SULF1: variants seen among roughly 807,000 people sequenced by gnomAD.
The protein encoded by SULF1 is sulfatase 1.
In SULF1, 46 loss-of-function variants were observed where a neutral mutation model predicts 110.5. The ratio of observed to expected loss-of-function variants is 0.42; its 90% CI spans 0.33 to 0.53. The LOEUF (loss-of-function observed/expected upper bound fraction) is 0.53. Ranked by LOEUF, SULF1 falls within the 20% of genes least tolerant of loss-of-function variation. The pLI is 0.12. For synonymous variants in SULF1, 371 were observed against 387.1 expected (o/e 0.96, Z 0.49); for missense variants, 941 against 1,094.2 (o/e 0.86, Z 1.98).
chr8:69,604,391 C>A (rs1177619247), intron 12 of SULF1, among the ~76,000 whole-genome samples: 1 of 152,136 alleles, frequency 6.6e-6, no homozygotes, highest in African/African-American at 2.4e-5. Context: ...TAAATGTATG[C>A]CATTGTAATT....
chr8:69,517,279 G>A (rs1811993547), intron 3 of SULF1, among the ~76,000 whole-genome samples: 1 of 152,086 alleles, frequency 6.6e-6, no homozygotes, highest in Non-Finnish European at 1.5e-5. Context: ...TGTCCATGAG[G>A]GCAGAACTCT....
At chr8:69,504,126 G>T (rs7833667) in intron 3 of SULF1, among the ~76,000 whole-genome samples, 24,323 of 152,096 alleles carry the variant, frequency 0.16, 2,057 homozygotes, top group East Asian at 0.22. Context: ...ATGCCATGTT[G>T]TTTGTTATCT....
At chr8:69,500,028 AG>A (rs1417259872) in intron 2 of SULF1, among the ~76,000 whole-genome samples, 1 of 152,196 alleles carries the variant, frequency 6.6e-6, no homozygotes, top group East Asian at 1.9e-4. Context: ...CTGGGATTAT[AG>A]GCATGAGCCA....
intron 3 of SULF1, among the ~76,000 whole-genome samples, chr8:69,557,505 C>T (rs949206538): frequency 6.6e-6 from 1 of 152,174 alleles, no homozygotes; most frequent in African/African-American, 2.4e-5. Flanking sequence ...GCACATTTCT[C>T]ACTTCATCCT....
At chr8:69,636,263 G>A (rs941269751) in intron 19 of SULF1, among the ~76,000 whole-genome samples, 1 of 152,160 alleles carries the variant, frequency 6.6e-6, no homozygotes, top group Non-Finnish European at 1.5e-5. Flanking sequence ...CAGACCGGGC[G>A]CGGTGGCTCA....
rs148161411 is a variant in SULF1, at chr8:69,563,889, C to T, written c.-60-27C>T. 439 of 1,383,444 alleles carry T rather than the reference C, an allele frequency of 3.2e-4. 1 individual carries two copies. The African/African-American group carries it at 5.5e-3, about 17-fold the overall frequency. The allele number at this position is 1,383,444 out of a possible 1,614,324, so 85.7% of individuals were successfully genotyped here. A position where few individuals can be genotyped will look rare whatever the true frequency, so the allele number is the denominator to read the frequency against. On this transcript the variant is annotated intron_variant, in intron 4 of 22. Coordinates refer to ENST00000402687, the MANE Select transcript of SULF1 (RefSeq NM_001128205.2). ...AGTTTGGATTTCATTTTAGTCTCACCGTCTCCGTTTTTCTCTGACTGCCCA... is the reference window on the plus strand; with the variant it reads ...AGTTTGGATTTCATTTTAGTCTCACTGTCTCCGTTTTTCTCTGACTGCCCA...
chr8:69,660,010 T>G lies in SULF1; in HGVS notation c.*1475T>G, dbSNP rs1183026893. Reference sequence around the variant, plus strand: ...GCTAAAATCGATTAGCAGAAAGGCATGGCTAATAATGTTGGTGGTGAAAAT... The same window carrying G: ...GCTAAAATCGATTAGCAGAAAGGCAGGGCTAATAATGTTGGTGGTGAAAAT... On this transcript the variant is annotated 3_prime_UTR_variant, in exon 23 of 23. Coordinates refer to ENST00000402687, the MANE Select transcript of SULF1 (RefSeq NM_001128205.2). 6.6e-6 allele frequency: 1 copy of G among 152,602 alleles called. No homozygotes were observed. Among genetic ancestry groups the G allele is most frequent in the Non-Finnish European group, 1.5e-5 (1 of 68,032 alleles). The allele number at this position is 152,602 out of a possible 1,614,324, so 9.5% of individuals were successfully genotyped here. A position where few individuals can be genotyped will look rare whatever the true frequency, so the allele number is the denominator to read the frequency against.
intron 5 of SULF1, among the ~76,000 whole-genome samples, chr8:69,572,686 C>A (rs761316850): frequency 6.6e-6 from 1 of 152,154 alleles, no homozygotes; most frequent in Non-Finnish European, 1.5e-5. Flanking sequence ...AATTCTCAGG[C>A]CCCATCCTGG....
chr8:69,638,792 C>G lies in SULF1; in HGVS notation c.2485C>G (p.Leu829Val). 6.2e-7 allele frequency: 1 copy of G among 1,614,084 alleles called. No homozygotes were observed. Among genetic ancestry groups the G allele is most frequent in the Non-Finnish European group, 8.5e-7 (1 of 1,179,988 alleles). Residue 829 changes from leucine to valine, a missense_variant, in exon 21 of 23, where the codon CTA becomes GTA. Coordinates refer to ENST00000402687, the MANE Select transcript of SULF1 (RefSeq NM_001128205.2). ...CATTTTGAATCAGCTACACGTACAA[C>G]TAATGGAGCTCAGAAGCTGTCAAGG... ...RGILNQLHVQ[L>V]MELRSCQGYK...
At chr8:69,532,060 G>A (rs1474623622) in intron 3 of SULF1, among the ~76,000 whole-genome samples, 2 of 152,174 alleles carry the variant, frequency 1.3e-5, no homozygotes, top group African/African-American at 4.8e-5. Flanking sequence ...GAACAAGTGA[G>A]GGGTTAGGAA....
intron 3 of SULF1, among the ~76,000 whole-genome samples, chr8:69,539,448 A>G: frequency 6.6e-6 from 1 of 152,226 alleles, no homozygotes; most frequent in African/African-American, 2.4e-5. Context: ...TGCGCTTGGC[A>G]ATTGCTAACT....
intron 1 of SULF1, among the ~76,000 whole-genome samples, chr8:69,482,803 C>T (rs1224883440): frequency 6.6e-6 from 1 of 151,982 alleles, no homozygotes; most frequent in Non-Finnish European, 1.5e-5. Flanking sequence ...TGATTAGAGG[C>T]AAAGTGAACA....
At chr8:69,525,146 A>T (rs1428827564) in intron 3 of SULF1, among the ~76,000 whole-genome samples, 1 of 152,102 alleles carries the variant, frequency 6.6e-6, no homozygotes, top group South Asian at 2.1e-4. Context: ...AGATGATCAA[A>T]TTTTTTTATT....
chr8:69,622,439 G>A (rs576768967), intron 14 of SULF1, among the ~76,000 whole-genome samples: 1 of 152,020 alleles, frequency 6.6e-6, no homozygotes, highest in African/African-American at 2.4e-5. Flanking sequence ...AAAATTAGCT[G>A]GGCATGGTGG....
intron 1 of SULF1, chr8:69,469,317 G>A (rs775571977): frequency 6.6e-6 from 1 of 152,224 alleles, no homozygotes; most frequent in Non-Finnish European, 1.5e-5. Flanking sequence ...AAGTGTTTGA[G>A]CACACGGGAT....
intron 3 of SULF1, among the ~76,000 whole-genome samples, chr8:69,519,021 T>C (rs565400385): frequency 4.1e-4 from 63 of 152,306 alleles, no homozygotes; most frequent in African/African-American, 1.5e-3. Context: ...GTGTCTCTAG[T>C]GGAGCATACA....
At position 69,629,615 on chromosome 8, in the gene SULF1, C is replaced by G. The variant is rs994725434; in HGVS notation, c.2220C>G (p.Ser740Arg). 3.1e-6 allele frequency: 5 copies of G among 1,613,836 alleles called. No homozygotes were observed. The highest frequency in any genetic ancestry group is 4.2e-6 in the Non-Finnish European group (5 of 1,179,876). Reference protein sequence around the residue: ...KRRQRKGEECSLPGLTCFTHD... With the variant: ...KRRQRKGEECRLPGLTCFTHD... ...GGCAGAGGAAGGGGGAAGAGTGCAG[C>G]CTGCCTGGCCTCACTTGCTTCACGC... The change falls in exon 19 of 23, where the codon AGC becomes AGG. Residue 740 changes from serine to arginine, a missense_variant. Around this residue, in one of 3 missense-constraint regions of SULF1, gnomAD observed 822 missense variants for 934.3 expected, o/e 0.88. Coordinates refer to ENST00000402687, the MANE Select transcript of SULF1 (RefSeq NM_001128205.2).
intron 19 of SULF1, 60 bp downstream of exon 19, chr8:69,629,739 T>C: frequency 7.1e-7 from 1 of 1,401,872 alleles, no homozygotes; most frequent in South Asian, 1.4e-5. Flanking sequence ...GACTCATAAC[T>C]TAGATCAGAA....
upstream of SULF1, among the ~76,000 whole-genome samples, chr8:69,490,818 G>T (rs1030148515): frequency 8.5e-5 from 13 of 152,198 alleles, no homozygotes; most frequent in African/African-American, 2.4e-4. Context: ...GTTCTGCTAG[G>T]TTAAAAAGAC....
Sources: allele counts gnomAD v4.1 joint callset (sites outside exome capture counted in the v4.1 genomes callset), GRCh38; gene constraint gnomAD v4.1.1; regional missense constraint gnomAD v4.1.1; transcripts MANE v1.5; gene names NCBI Gene and HGNC (gene_info 2026-07-23, HGNC 2026-07-21).